Variants in SLIT2 observed in about 807,000 individuals in gnomAD.
The protein encoded by SLIT2 is slit homolog 2 protein.
A neutral mutation model predicts 185.7 loss-of-function variants in SLIT2; 41 were observed. That is an observed-to-expected ratio of 0.22 (90% CI 0.17 to 0.29). The LOEUF (loss-of-function observed/expected upper bound fraction) is 0.29, where lower values mean the gene tolerates loss of function less well. SLIT2 is among the 10% of genes least tolerant of loss of function. The probability of loss-of-function intolerance (pLI) is 1.00; values close to 1 mark genes in which losing one functional copy is unlikely to be tolerated. For missense variants in SLIT2, 1,571 were observed against 1,909.0 expected, an observed-to-expected ratio of 0.82 and a Z score of 3.30; for synonymous variants, 693 against 680.2, an observed-to-expected ratio of 1.02 and a Z score of -0.29.
intron 21 of SLIT2, among the ~76,000 whole-genome samples, chr4:20,544,353 C>G (rs1364814394): frequency 6.6e-6 from 1 of 152,112 alleles, no homozygotes; most frequent in African/African-American, 2.4e-5. Flanking sequence ...TTACTCTATT[C>G]CCATTAAATA....
At chr4:20,324,070 A>G (rs1004790169) in intron 4 of SLIT2, among the ~76,000 whole-genome samples, 1 of 152,176 alleles carries the variant, frequency 6.6e-6, no homozygotes, top group Non-Finnish European at 1.5e-5. Flanking sequence ...GGTAAAATCA[A>G]AAAGCAAGTC....
chr4:20,403,909 A>AC (rs1359654530), intron 4 of SLIT2, among the ~76,000 whole-genome samples: 7 of 149,576 alleles, frequency 4.7e-5, no homozygotes, highest in Admixed American at 1.3e-4. Flanking sequence ...AAAAAAAAAC[A>AC]AAAACAAAAG....
chr4:20,510,632 AG>A, intron 10 of SLIT2, 66 bp downstream of exon 10: 1 of 985,056 alleles, frequency 1.0e-6, no homozygotes, highest in Non-Finnish European at 1.6e-6. Flanking sequence ...GACCATGCAA[AG>A]AAACTTAAGT....
intron 17 of SLIT2, among the ~76,000 whole-genome samples, chr4:20,532,895 A>G (rs1241822881): frequency 6.6e-6 from 1 of 152,212 alleles, no homozygotes; most frequent in Admixed American, 6.5e-5. Context: ...TACTGTGTGC[A>G]ATTCTCTCAG....
At chr4:20,478,310 C>T (rs893465310) in intron 5 of SLIT2, among the ~76,000 whole-genome samples, 1 of 152,134 alleles carries the variant, frequency 6.6e-6, no homozygotes, top group African/African-American at 2.4e-5. Context: ...TTAAGGAAAA[C>T]CTCAGTCCTA....
At chr4:20,573,372 A>G (rs1725789315) in intron 29 of SLIT2, 5 of 690,000 alleles carry the variant, frequency 7.2e-6, no homozygotes, top group East Asian at 2.7e-5. Context: ...GACAAAATAT[A>G]AAATCTGAAA....
At chr4:20,603,054 T>C (rs1728524160) in intron 33 of SLIT2, among the ~76,000 whole-genome samples, 1 of 152,154 alleles carries the variant, frequency 6.6e-6, no homozygotes, top group Non-Finnish European at 1.5e-5. Flanking sequence ...TTCACACTGC[T>C]GATAAAGGCA....
chr4:20,612,709 A>C (rs528847085), intron 34 of SLIT2, among the ~76,000 whole-genome samples: 1 of 152,258 alleles, frequency 6.6e-6, no homozygotes, highest in African/African-American at 2.4e-5. Flanking sequence ...CGAGGTCAGG[A>C]GATTGAGACC....
chr4:20,340,726 G>C (rs538045893), intron 4 of SLIT2, among the ~76,000 whole-genome samples: 64 of 151,986 alleles, frequency 4.2e-4, no homozygotes, highest in Non-Finnish European at 8.1e-4. Flanking sequence ...TCAGCCTCCT[G>C]AGTAGCTGGG....
chr4:20,306,135 C>G (rs1224747969), intron 4 of SLIT2, among the ~76,000 whole-genome samples: 1 of 151,886 alleles, frequency 6.6e-6, no homozygotes, highest in Non-Finnish European at 1.5e-5. Context: ...ATAATGAAAG[C>G]CTTTAAGAAA....
chr4:20,444,947 C>T (rs962636005), intron 4 of SLIT2, among the ~76,000 whole-genome samples: 1 of 152,172 alleles, frequency 6.6e-6, no homozygotes, highest in Non-Finnish European at 1.5e-5. Flanking sequence ...GAAACCCTAA[C>T]CCATACTTTC....
At chr4:20,393,082 C>G (rs372736320) in intron 4 of SLIT2, among the ~76,000 whole-genome samples, 1 of 152,040 alleles carries the variant, frequency 6.6e-6, no homozygotes, top group Non-Finnish European at 1.5e-5. Flanking sequence ...TAACGCATTA[C>G]ACTAAGACGT....
At chr4:20,350,671 G>A (rs1173563213) in intron 4 of SLIT2, among the ~76,000 whole-genome samples, 1 of 151,936 alleles carries the variant, frequency 6.6e-6, no homozygotes, top group Non-Finnish European at 1.5e-5. Flanking sequence ...CAGTTACTAG[G>A]GAAACACTAG....
intron 4 of SLIT2, among the ~76,000 whole-genome samples, chr4:20,419,196 G>A (rs900578452): frequency 6.6e-6 from 1 of 152,054 alleles, no homozygotes; most frequent in Admixed American, 6.6e-5. Context: ...GTATCTAGAA[G>A]ACATGTCAAC....
chr4:20,618,772 C>T lies in SLIT2; in HGVS notation c.4353C>T (p.Ile1451=). 1 of 1,581,802 alleles carries T rather than the reference C, an allele frequency of 6.3e-7. No homozygotes were observed. The highest frequency in any genetic ancestry group is 8.6e-7 in the Non-Finnish European group (1 of 1,156,750). The change falls in exon 37 of 37, where the codon ATC becomes ATT. Residue 1451 remains isoleucine (I), a synonymous_variant. Coordinates refer to ENST00000504154, the MANE Select transcript of SLIT2 (RefSeq NM_004787.4). ...GYTGDSCDRE[I]SCRGERIRDY... is the part of the protein sequence containing the mutation. ...GTGCTTTTTGTTCTTTTCTAGAAAT[C>T]TCTTGTCGAGGGGAAAGGATAAGAG... is the stretch of plus-strand genomic sequence containing the variant.
rs370064516 is a variant in SLIT2 at position 20,324,259 on chromosome 4, A to G, written c.395+55378A>G. Among the ~76,000 whole-genome samples the G allele has an allele frequency of 1.3e-4, 20 of 152,158 alleles. 2 individuals carry two copies. The South Asian group carries it at 4.2e-3, about 32-fold the overall frequency. On this transcript the variant is annotated intron_variant, in intron 4 of 36. Coordinates refer to ENST00000504154, the MANE Select transcript of SLIT2 (RefSeq NM_004787.4). The stretch of plus-strand genomic sequence containing the variant: ...ATGTTGACAACCCCAGTGCATTGAG[A>G]CAATGTATTGGTGAGGTGCTGATGT...
intron 34 of SLIT2, among the ~76,000 whole-genome samples, chr4:20,612,944 T>C: frequency 6.7e-6 from 1 of 150,170 alleles, no homozygotes; most frequent in Non-Finnish European, 1.5e-5. Context: ...AAATTATGTC[T>C]ACAGTGAGAT....
intron 4 of SLIT2, among the ~76,000 whole-genome samples, chr4:20,438,776 C>T (rs1729536962): frequency 6.6e-6 from 1 of 152,196 alleles, no homozygotes; most frequent in South Asian, 2.1e-4. Context: ...CACCCTGGGG[C>T]CTTTGCACTG....
intron 4 of SLIT2, among the ~76,000 whole-genome samples, chr4:20,419,127 G>A (rs1484411487): frequency 6.6e-6 from 1 of 152,060 alleles, no homozygotes; most frequent in Non-Finnish European, 1.5e-5. Context: ...CAAAACATTT[G>A]TAAATAGTGC....
Sources: gnomAD v4.1 joint callset for allele counts (sites outside exome capture counted in the v4.1 genomes callset) on GRCh38, gnomAD v4.1.1 for gene constraint, MANE v1.5 for transcripts, NCBI Gene and HGNC (gene_info 2026-07-23, HGNC 2026-07-21) for gene names.